ADGRG3: variants seen among roughly 807,000 people sequenced by gnomAD.
ADGRG3 encodes the protein G protein-coupled receptor 97.
ADGRG3 carries 39 observed loss-of-function variants against 54.3 expected under a neutral mutation model. That is an observed-to-expected ratio of 0.72 (90% CI 0.56 to 0.94). The LOEUF (loss-of-function observed/expected upper bound fraction) is 0.94. ADGRG3 is among the 40% of genes least tolerant of loss of function. The pLI, the probability that ADGRG3 is intolerant of heterozygous loss-of-function variation, is 0.00. For missense variants in ADGRG3, 654 were observed against 694.6 expected, an observed-to-expected ratio of 0.94 and a Z score of 0.66; for synonymous variants, 312 against 290.0, an observed-to-expected ratio of 1.08 and a Z score of -0.77.
chr16:57,685,251 A>T (rs944251973), intron 10 of ADGRG3, among the ~76,000 whole-genome samples: 1 of 152,204 alleles, frequency 6.6e-6, no homozygotes, highest in Non-Finnish European at 1.5e-5. Context: ...TGGGGACTGC[A>T]GCGGACTGGC....
chr16:57,673,363 G>A lies in ADGRG3; in HGVS notation c.101G>A (p.Gly34Glu), dbSNP rs1186720226. The change falls in exon 2 of 12, where the codon GGG becomes GAG. Residue 34 changes from glycine to glutamate, a missense_variant. Coordinates refer to ENST00000333493, the MANE Select transcript of ADGRG3 (RefSeq NM_170776.5). ...GAAGGGCCAAGAAACACCTGCCTGG[G>A]GAGCAACAACATGTACGACATCTTC... The part of the protein sequence containing the change: ...PTEGPRNTCL[G>E]SNNMYDIFNL... The A allele has an allele frequency of 6.2e-7, 1 of 1,613,838 alleles. No individual in the cohort carries two copies. The highest frequency in any genetic ancestry group is 2.2e-5 in the East Asian group (1 of 44,868).
intron 1 of ADGRG3, among the ~76,000 whole-genome samples, chr16:57,671,517 G>A (rs1260911828): frequency 2.6e-5 from 4 of 151,686 alleles, no homozygotes; most frequent in South Asian, 2.1e-4. Context: ...ATTTTTGTAT[G>A]TTTAGTAGGG....
chr16:57,685,617 C>T (rs1327922732), intron 10 of ADGRG3, 26 bp from the exon 11 acceptor site: 1 of 1,610,220 alleles, frequency 6.2e-7, no homozygotes, highest in Admixed American at 1.7e-5. Flanking sequence ...CACTCCCAGT[C>T]CCACCACAGC....
intron 8 of ADGRG3, among the ~76,000 whole-genome samples, chr16:57,683,717 A>T (rs969424720): frequency 1.2e-4 from 18 of 152,210 alleles, no homozygotes; most frequent in Middle Eastern, 3.4e-3. Flanking sequence ...AGGATCCGGA[A>T]CCCACAGGGC....
At position 57,679,294 on chromosome 16, in the gene ADGRG3, CA is replaced by C; in HGVS notation, c.611del (p.His204ProfsTer8). 1 of 1,613,908 alleles carries C rather than the reference CA, an allele frequency of 6.2e-7. No homozygotes were observed. The highest frequency in any genetic ancestry group is 8.5e-7 in the Non-Finnish European group (1 of 1,179,902). On this transcript the variant is annotated frameshift_variant, in exon 5 of 12. Coordinates refer to ENST00000333493, the MANE Select transcript of ADGRG3 (RefSeq NM_170776.5). LOFTEE classifies it high-confidence loss of function. ...LAEPLEIVFS[H>X]QRPPPNMTLT... The stretch of plus-strand genomic sequence containing the variant: ...TGAGCCTCTGGAGATCGTCTTCTCT[CA>C]CCAGCGACCGCCCCCTGTGAGTCCC...
At chr16:57,679,723 T>G in intron 5 of ADGRG3, 93 bp from the exon 6 acceptor site, 1 of 983,336 alleles carries the variant, frequency 1.0e-6, no homozygotes, top group East Asian at 2.4e-5. Context: ...ACACTCACAC[T>G]AGGACTCGGG....
Position 57,684,047 on chromosome 16 carries a change from G to A in ADGRG3, c.997G>A (p.Gly333Arg), listed in dbSNP as rs1347315027. ...GGTCAATGTGGGGAGTGGCTCAAAG[G>A]GGTCTGATGCTGCCTGCTGGGCCCG... ...FLVNVGSGSK[G>R]SDAACWARGA... The change falls in exon 9 of 12, where the codon GGG becomes AGG. Residue 333 changes from glycine (G) to arginine (R), a missense_variant. Transcript: ENST00000333493. The A allele has an allele frequency of 6.2e-7, 1 of 1,613,954 alleles. No individual in the cohort carries two copies. Among genetic ancestry groups the A allele is most frequent in the Non-Finnish European group, 8.5e-7 (1 of 1,179,900 alleles).
chr16:57,669,820 G>A (rs889265827), intron 1 of ADGRG3, among the ~76,000 whole-genome samples: 5 of 152,158 alleles, frequency 3.3e-5, no homozygotes, highest in East Asian at 1.9e-4. Flanking sequence ...GTGGGGGCTC[G>A]CATGTGAGAC....
chr16:57,677,358 G>A (rs563535299), intron 3 of ADGRG3, among the ~76,000 whole-genome samples: 10 of 152,276 alleles, frequency 6.6e-5, no homozygotes, highest in African/African-American at 1.9e-4. Context: ...CAAGGCGGAC[G>A]GATCATCTGA....
chr16:57,685,531 G>A (rs931529478), intron 10 of ADGRG3, 112 bp from the exon 11 acceptor site: 93 of 1,035,458 alleles, frequency 9.0e-5, no homozygotes, highest in Middle Eastern at 8.5e-4. Flanking sequence ...GGATTGATGG[G>A]TGGAAATGGG....
At chr16:57,672,491 A>G (rs2148695592) in intron 1 of ADGRG3, among the ~76,000 whole-genome samples, 1 of 152,324 alleles carries the variant, frequency 6.6e-6, no homozygotes, top group East Asian at 1.9e-4. Context: ...AACACCTACA[A>G]TGAGCTATGT....
Position 57,688,539 on chromosome 16 carries a change from T to TC in ADGRG3, c.*81dup. ...GGCAGCTCCGTGCCTCTCTCTGTAC[T>TC]CCCTCAGTTTCCTTCTCTGTACAAT... On this transcript the variant is annotated 3_prime_UTR_variant, in exon 12 of 12. Coordinates refer to ENST00000333493, the MANE Select transcript of ADGRG3 (RefSeq NM_170776.5). 1.2e-6 allele frequency: 1 copy of TC among 849,788 alleles called. No homozygotes were observed. The highest frequency in any genetic ancestry group is 2.1e-6 in the Non-Finnish European group (1 of 486,298). The allele number at this position is 849,788 out of a possible 1,614,324, so 52.6% of individuals were successfully genotyped here.
At chr16:57,666,340 CT>C (rs1347075653), upstream of ADGRG3, among the ~76,000 whole-genome samples, 1 of 152,218 alleles carries the variant, frequency 6.6e-6, no homozygotes, top group African/African-American at 2.4e-5. Flanking sequence ...TGGGTCTCAC[CT>C]TCTCAGGTAG....
At position 57,680,218 on chromosome 16, in the gene ADGRG3, C is replaced by T. The variant is rs369855580; in HGVS notation, c.668-47C>T. The T allele has an allele frequency of 6.1e-6, 7 of 1,150,786 alleles. No homozygotes were observed. In the African/African-American group the frequency reaches 6.2e-5, roughly 10 times the overall value. The allele number at this position is 1,150,786 out of a possible 1,614,324, so 71.3% of individuals were successfully genotyped here. A position where few individuals can be genotyped will look rare whatever the true frequency, so the allele number is the denominator to read the frequency against. ...CCCTCCTCTCCCCTCCCTTGCCCTC[C>T]CCTCCCTATATTCCCTTTCCCTCTG... On this transcript the variant is annotated intron_variant, in intron 6 of 11. Coordinates refer to ENST00000333493, the MANE Select transcript of ADGRG3 (RefSeq NM_170776.5).
chr16:57,670,560 T>C (rs7195755), intron 1 of ADGRG3, among the ~76,000 whole-genome samples: 41,351 of 151,780 alleles, frequency 0.27, 5,855 homozygotes, highest in African/African-American at 0.35. Flanking sequence ...TTCTGTCTTC[T>C]TCCTCCTCTC....
upstream of ADGRG3, among the ~76,000 whole-genome samples, chr16:57,667,759 G>C (rs2048082753): frequency 6.6e-6 from 1 of 152,172 alleles, no homozygotes; most frequent in Admixed American, 6.5e-5. Flanking sequence ...GCCAGCTCCT[G>C]CTCTCCTCCC....
chr16:57,682,373 C>A (rs1280717826), intron 8 of ADGRG3: 2 of 525,692 alleles, frequency 3.8e-6, no homozygotes, highest in Non-Finnish European at 4.9e-6. Flanking sequence ...GCCCTCTCCA[C>A]GTGCCTCTGT....
rs1322078083 is a variant in ADGRG3, at chr16:57,683,984, C to T, written c.934C>T (p.Leu312=). ...AGATGCCCCAAAGATCCACGTGGCC[C>T]TGGGTGGCAGCCTGTTCCTCCTGAA... ...SEDAPKIHVA[L]GGSLFLLNLA... is the part of the protein sequence containing the mutation. Residue 312 remains leucine (L), a synonymous_variant, in exon 9 of 12, where the codon CTG becomes TTG. Coordinates refer to ENST00000333493, the MANE Select transcript of ADGRG3 (RefSeq NM_170776.5). 2.5e-6 allele frequency: 4 copies of T among 1,601,406 alleles called. No individual in the cohort carries two copies. Among genetic ancestry groups the T allele is most frequent in the Non-Finnish European group, 2.6e-6 (3 of 1,171,612 alleles).
chr16:57,684,066 G>A lies in ADGRG3; in HGVS notation c.1016G>A (p.Trp339Ter), dbSNP rs1282308822. 13 of 1,614,068 alleles carry A rather than the reference G, an allele frequency of 8.1e-6. No individual in the cohort carries two copies. Among genetic ancestry groups the A allele is most frequent in the Non-Finnish European group, 1.1e-5 (13 of 1,179,974 alleles). Residue 339 changes from tryptophan to a stop codon, truncating the protein, a stop_gained, in exon 9 of 12, where the codon TGG (tryptophan) becomes TAG (stop). Coordinates refer to ENST00000333493, the MANE Select transcript of ADGRG3 (RefSeq NM_170776.5). LOFTEE classifies it high-confidence loss of function. Reference protein sequence around the residue: ...SGSKGSDAACWARGAVFHYFL... With the variant: ...SGSKGSDAAC ...TCAAAGGGGTCTGATGCTGCCTGCT[G>A]GGCCCGGGGGGCTGTCTTCCACTAC...
Sources: gnomAD v4.1 joint callset for allele counts (sites outside exome capture counted in the v4.1 genomes callset) on GRCh38, gnomAD v4.1.1 for gene constraint, MANE v1.5 for transcripts, NCBI Gene and HGNC (gene_info 2026-07-23, HGNC 2026-07-21) for gene names.